The following ZBTB20 variants were observed in gnomAD, a reference collection of about 807,000 sequenced individuals.
ZBTB20 encodes the protein zinc finger and BTB domain containing 20.
In ZBTB20, 9 loss-of-function variants were observed where a neutral mutation model predicts 56.9. That is an observed-to-expected ratio of 0.16 (90% CI 0.10 to 0.28). The LOEUF (loss-of-function observed/expected upper bound fraction) is 0.28. Ranked by LOEUF, ZBTB20 falls within the 10% of genes least tolerant of loss-of-function variation. The probability of loss-of-function intolerance (pLI) is 1.00; values close to 1 mark genes in which losing one functional copy is unlikely to be tolerated. For synonymous variants in ZBTB20, 417 were observed against 420.7 expected, an observed-to-expected ratio of 0.99 and a Z score of 0.11; for missense variants, 655 against 1,003.0, an observed-to-expected ratio of 0.65 and a Z score of 4.69.
intron 2 of ZBTB20, among the ~76,000 whole-genome samples, chr3:115,010,566 T>C (rs1050298105): frequency 1.3e-5 from 2 of 151,978 alleles, no homozygotes; most frequent in African/African-American, 4.8e-5. Context: ...CCTCTATAAA[T>C]CAGCAAGAAC....
At chr3:114,362,696 A>G (rs2082014774) in intron 10 of ZBTB20, among the ~76,000 whole-genome samples, 1 of 151,982 alleles carries the variant, frequency 6.6e-6, no homozygotes, top group South Asian at 2.1e-4. Context: ...CCCTGATTCC[A>G]TTTCCCCAGA....
intron 2 of ZBTB20, among the ~76,000 whole-genome samples, chr3:115,048,831 GGA>G (rs1274978797): frequency 6.6e-6 from 1 of 151,884 alleles, no homozygotes; most frequent in African/African-American, 2.4e-5. Flanking sequence ...AGTAATTTTT[GGA>G]TGATATATAA....
At chr3:114,610,999 C>T (rs1389318074) in intron 6 of ZBTB20, among the ~76,000 whole-genome samples, 1 of 152,136 alleles carries the variant, frequency 6.6e-6, no homozygotes, top group African/African-American at 2.4e-5. Context: ...AGGATACATG[C>T]TAGGCAATGA....
chr3:114,750,902 G>A (rs917645381), intron 5 of ZBTB20, among the ~76,000 whole-genome samples: 3 of 152,060 alleles, frequency 2.0e-5, no homozygotes, highest in Non-Finnish European at 4.4e-5. Flanking sequence ...CATTTGCATT[G>A]AGGCCAAATT....
At chr3:114,610,831 A>G (rs1283797791) in intron 6 of ZBTB20, among the ~76,000 whole-genome samples, 3 of 152,202 alleles carry the variant, frequency 2.0e-5, no homozygotes, top group African/African-American at 7.2e-5. Flanking sequence ...CACTCACTCA[A>G]ATACCATAAT....
chr3:114,671,742 TAGAG>T (rs2061371920), intron 6 of ZBTB20, among the ~76,000 whole-genome samples: 1 of 152,118 alleles, frequency 6.6e-6, no homozygotes, highest in South Asian at 2.1e-4. Flanking sequence ...AAAGATATCT[TAGAG>T]AGACTCACAA....
At chr3:115,139,886 A>G in intron 1 of ZBTB20, among the ~76,000 whole-genome samples, 1 of 152,162 alleles carries the variant, frequency 6.6e-6, no homozygotes, top group South Asian at 2.1e-4. Context: ...CTTACCCACT[A>G]TGAAAGATTA....
At chr3:114,705,133 G>C (rs1305887900) in intron 5 of ZBTB20, among the ~76,000 whole-genome samples, 1 of 152,140 alleles carries the variant, frequency 6.6e-6, no homozygotes, top group Non-Finnish European at 1.5e-5. Flanking sequence ...CAAGACCCAT[G>C]TTTTTCTCAC....
At chr3:114,783,754 C>G (rs1001312426) in intron 5 of ZBTB20, among the ~76,000 whole-genome samples, 1 of 146,332 alleles carries the variant, frequency 6.8e-6, no homozygotes, top group Admixed American at 7.0e-5. Flanking sequence ...GATCGCGCCA[C>G]TGCACTCCAG....
intron 6 of ZBTB20, among the ~76,000 whole-genome samples, chr3:114,632,709 A>G (rs1010694825): frequency 1.3e-5 from 2 of 152,248 alleles, no homozygotes; most frequent in Non-Finnish European, 2.9e-5. Flanking sequence ...GAATGTATTT[A>G]ATAATATCTT....
intron 5 of ZBTB20, among the ~76,000 whole-genome samples, chr3:114,793,032 T>A (rs919687012): frequency 6.6e-6 from 1 of 151,760 alleles, no homozygotes; most frequent in African/African-American, 2.4e-5. Context: ...CCTGCCACCA[T>A]CCCCAGCTAA....
chr3:115,015,147 G>T (rs1438959682), intron 2 of ZBTB20, among the ~76,000 whole-genome samples: 1 of 151,624 alleles, frequency 6.6e-6, no homozygotes, highest in Admixed American at 6.6e-5. Context: ...TTTAATGTAA[G>T]TTTGATTGGA....
intron 7 of ZBTB20, among the ~76,000 whole-genome samples, chr3:114,468,034 T>C (rs2092619369): frequency 6.6e-6 from 1 of 152,206 alleles, no homozygotes; most frequent in African/African-American, 2.4e-5. Flanking sequence ...TTAAGTGCAA[T>C]GTTTATGTGT....
chr3:114,570,561 CA>C (rs2053307270), intron 6 of ZBTB20, among the ~76,000 whole-genome samples: 1 of 152,016 alleles, frequency 6.6e-6, no homozygotes, highest in African/African-American at 2.4e-5. Context: ...AGACAGTGTG[CA>C]GAGTTAGAAT....
intron 3 of ZBTB20, among the ~76,000 whole-genome samples, chr3:114,908,952 ACT>A (rs1024372189): frequency 8.6e-5 from 13 of 152,028 alleles, no homozygotes; most frequent in African/African-American, 2.6e-4. Context: ...AAAATAAAAA[ACT>A]CTAACATATC....
At chr3:114,814,303 T>G (rs2072772082) in intron 4 of ZBTB20, among the ~76,000 whole-genome samples, 1 of 150,528 alleles carries the variant, frequency 6.6e-6, no homozygotes, top group South Asian at 2.1e-4. Flanking sequence ...TAAATATATT[T>G]ATATTGTACA....
At position 114,817,192 on chromosome 3, in the gene ZBTB20, TACACACACAC is replaced by T. The variant is rs56294507; in HGVS notation, c.-416-16028_-416-16019del. On this transcript the variant is annotated intron_variant, in intron 4 of 11. Coordinates refer to ENST00000675478, the MANE Select transcript of ZBTB20 (RefSeq NM_001348800.3). ...ATATGAAATATATTTATACAACTTA[TACACACACAC>T]ACACACACACACACACACACACACA... Among the ~76,000 whole-genome samples the T allele has an allele frequency of 1.1e-3, 162 of 145,806 alleles. 1 individual carries two copies. The highest frequency in any genetic ancestry group is 4.0e-3 in the East Asian group (20 of 4,994).
rs757549544 is a variant in ZBTB20, at chr3:114,426,372, T to A, written c.-254-37267A>T. Reference sequence around the variant, plus strand: ...AAAAAAAAAAAAAAAAAAAAAAAAATTGCCTCCTCACTCCAAACATATTCT... The same window carrying A: ...AAAAAAAAAAAAAAAAAAAAAAAAAATGCCTCCTCACTCCAAACATATTCT... On this transcript the variant is annotated intron_variant, in intron 7 of 11. Coordinates refer to ENST00000675478, the MANE Select transcript of ZBTB20 (RefSeq NM_001348800.3). Among the ~76,000 whole-genome samples, 114 of 126,382 alleles carry A rather than the reference T, an allele frequency of 9.0e-4. 1 individual carries two copies. The highest frequency in any genetic ancestry group is 1.2e-3 in the Non-Finnish European group (73 of 59,672). 82.9% of individuals were successfully genotyped at this position (126,382 alleles called of 152,430 possible). A position where few individuals can be genotyped will look rare whatever the true frequency, so the allele number is the denominator to read the frequency against.
chr3:114,430,531 C>T (rs1198234999), intron 7 of ZBTB20, among the ~76,000 whole-genome samples: 1 of 152,096 alleles, frequency 6.6e-6, no homozygotes, highest in Non-Finnish European at 1.5e-5. Flanking sequence ...CCAATTAATT[C>T]GAATATAAAC....
Sources: gnomAD v4.1 joint callset for allele counts (sites outside exome capture counted in the v4.1 genomes callset) on GRCh38, gnomAD v4.1.1 for gene constraint, MANE v1.5 for transcripts, NCBI Gene and HGNC (gene_info 2026-07-23, HGNC 2026-07-21) for gene names.